Variants in DSCAM observed in about 807,000 individuals in gnomAD.
The protein encoded by DSCAM is DS cell adhesion molecule, also known as cell adhesion molecule DSCAM.
A neutral mutation model predicts 217.7 loss-of-function variants in DSCAM; 47 were observed. That is an observed-to-expected ratio of 0.22 (90% confidence interval 0.17 to 0.28). The LOEUF (loss-of-function observed/expected upper bound fraction) is 0.28. Among genes scored for constraint, DSCAM ranks in the 10% least tolerant of loss-of-function variants. The pLI, the probability that DSCAM is intolerant of heterozygous loss-of-function variation, is 1.00. For missense variants in DSCAM, 2,080 were observed against 2,618.3 expected (o/e 0.79, Z 4.49); for synonymous variants, 1,056 against 1,015.3 (o/e 1.04, Z -0.76).
chr21:40,767,573 T>A (rs1180823836), intron 1 of DSCAM, among the ~76,000 whole-genome samples: 1 of 152,182 alleles, frequency 6.6e-6, no homozygotes, highest in Non-Finnish European at 1.5e-5. Flanking sequence ...AGACCATGTG[T>A]GCTATTTATG....
chr21:40,511,473 A>C (rs1409086328), intron 3 of DSCAM, among the ~76,000 whole-genome samples: 1 of 152,244 alleles, frequency 6.6e-6, no homozygotes, highest in Non-Finnish European at 1.5e-5. Flanking sequence ...ATTCAAAATG[A>C]ATGTGATTGT....
At chr21:40,192,536 A>T (rs73364140) in intron 11 of DSCAM, among the ~76,000 whole-genome samples, 1 of 152,248 alleles carries the variant, frequency 6.6e-6, no homozygotes, top group African/African-American at 2.4e-5. Context: ...CCCTAGTCGC[A>T]TAGGACTGTG....
intron 1 of DSCAM, among the ~76,000 whole-genome samples, chr21:40,792,964 T>G (rs1408162309): frequency 6.6e-6 from 1 of 152,172 alleles, no homozygotes; most frequent in African/African-American, 2.4e-5. Context: ...GGAGGGGAGC[T>G]GATTCTCAGG....
intron 3 of DSCAM, among the ~76,000 whole-genome samples, chr21:40,533,487 A>G (rs574205622): frequency 6.6e-6 from 1 of 151,598 alleles, no homozygotes; most frequent in South Asian, 2.1e-4. Flanking sequence ...CCGTCCATCC[A>G]TCCATCCATC....
intron 3 of DSCAM, among the ~76,000 whole-genome samples, chr21:40,587,934 A>G (rs1380555789): frequency 6.6e-6 from 1 of 152,186 alleles, no homozygotes; most frequent in Non-Finnish European, 1.5e-5. Flanking sequence ...CTTGAGCACA[A>G]AGAGCTACTA....
intron 3 of DSCAM, among the ~76,000 whole-genome samples, chr21:40,603,263 T>C (rs1351241738): frequency 6.6e-6 from 1 of 152,158 alleles, no homozygotes; most frequent in South Asian, 2.1e-4. Flanking sequence ...TCTTGGTGAA[T>C]AGACCATGTG....
chr21:40,015,668 C>T (rs561309337), intron 32 of DSCAM, among the ~76,000 whole-genome samples: 2 of 152,162 alleles, frequency 1.3e-5, no homozygotes, highest in Non-Finnish European at 2.9e-5. Context: ...AACTCTTGAA[C>T]TCAAGTGATG....
chr21:40,384,364 T>G (rs1390558698), intron 3 of DSCAM, among the ~76,000 whole-genome samples: 1 of 151,984 alleles, frequency 6.6e-6, no homozygotes, highest in Admixed American at 6.6e-5. Context: ...TCCCAGCACT[T>G]TGGGAGGCCT....
chr21:40,658,320 G>T (rs752527385), intron 3 of DSCAM, among the ~76,000 whole-genome samples: 5 of 152,202 alleles, frequency 3.3e-5, no homozygotes, highest in Non-Finnish European at 5.9e-5. Context: ...ACCTCAGTGG[G>T]TCTGTGAAGA....
rs986717066 is a variant in DSCAM at position 40,357,872 on chromosome 21, A to G, written c.656-4129T>C. ...AACTTAAAGTATAATAAAAAAAAAC[A>G]AAAACAAAAAATGTGAGAATATAAT... On this transcript the variant is annotated intron_variant, in intron 4 of 32. Coordinates refer to ENST00000400454, the MANE Select transcript of DSCAM (RefSeq NM_001389.5). Among the ~76,000 whole-genome samples, 11 of 149,956 alleles carry G rather than the reference A, an allele frequency of 7.3e-5. 1 individual carries two copies. The highest frequency in any genetic ancestry group is 2.7e-4 in the African/African-American group (11 of 40,680).
At chr21:40,056,442 G>A (rs940076267) in intron 28 of DSCAM, among the ~76,000 whole-genome samples, 18 of 149,806 alleles carry the variant, frequency 1.2e-4, no homozygotes, top group Non-Finnish European at 2.4e-4. Context: ...CTCAAAATTT[G>A]TGTATCAGAA....
At chr21:40,648,769 C>T (rs879673282) in intron 3 of DSCAM, among the ~76,000 whole-genome samples, 4 of 152,154 alleles carry the variant, frequency 2.6e-5, no homozygotes, top group Admixed American at 2.6e-4. Context: ...ATAAACAACC[C>T]AACTGAGGGG....
chr21:40,460,823 T>A (rs542693435), intron 3 of DSCAM, among the ~76,000 whole-genome samples: 1 of 152,160 alleles, frequency 6.6e-6, no homozygotes, highest in Non-Finnish European at 1.5e-5. Context: ...CAAAGAGATA[T>A]GGAAATACAC....
At chr21:40,114,357 C>A (rs1466379125) in intron 20 of DSCAM, among the ~76,000 whole-genome samples, 7 of 150,242 alleles carry the variant, frequency 4.7e-5, no homozygotes, top group African/African-American at 1.7e-4. Flanking sequence ...ACTGGCTAGC[C>A]ATATGTAGAA....
At chr21:40,282,321 C>G (rs2123401997) in intron 10 of DSCAM, among the ~76,000 whole-genome samples, 1 of 152,146 alleles carries the variant, frequency 6.6e-6, no homozygotes, top group South Asian at 2.1e-4. Context: ...GGCGCGGTGG[C>G]TCACGCCTGT....
intron 32 of DSCAM, among the ~76,000 whole-genome samples, chr21:40,033,469 G>A (rs1026109178): frequency 4.6e-5 from 7 of 152,062 alleles, no homozygotes; most frequent in African/African-American, 1.5e-4. Context: ...TTTCTGACGA[G>A]CTTAAAACAC....
chr21:40,449,123 G>C (rs1301099651), intron 3 of DSCAM, among the ~76,000 whole-genome samples: 1 of 152,054 alleles, frequency 6.6e-6, no homozygotes, highest in Admixed American at 6.6e-5. Flanking sequence ...CTGTAGTCAC[G>C]CCTCCCTCTG....
At chr21:40,752,178 A>G (rs1037276722) in intron 1 of DSCAM, among the ~76,000 whole-genome samples, 5 of 152,238 alleles carry the variant, frequency 3.3e-5, no homozygotes, top group African/African-American at 1.2e-4. Flanking sequence ...GTTTTATTAT[A>G]GTGTGAAGCT....
chr21:40,842,052 G>C (rs898564521), intron 1 of DSCAM, among the ~76,000 whole-genome samples: 1 of 152,212 alleles, frequency 6.6e-6, no homozygotes, highest in African/African-American at 2.4e-5. Context: ...CCATCTGCAT[G>C]GAGCAGTCCT....
Sources: allele counts gnomAD v4.1 joint callset (sites outside exome capture counted in the v4.1 genomes callset), GRCh38; gene constraint gnomAD v4.1.1; transcripts MANE v1.5; gene names NCBI Gene and HGNC (gene_info 2026-07-23, HGNC 2026-07-21).